The following FBXO33 variants were observed in gnomAD, a reference collection of about 807,000 sequenced individuals.
The protein encoded by FBXO33 is F-box only protein 33.
In FBXO33, 22 loss-of-function variants were observed where a neutral mutation model predicts 46.3. The observed-to-expected ratio is 0.48, with a 90% CI of 0.34 to 0.68. The LOEUF is 0.68. Among genes scored for constraint, FBXO33 ranks in the 30% least tolerant of loss-of-function variants. The probability of loss-of-function intolerance (pLI) is 0.01; values close to 1 mark genes in which losing one functional copy is unlikely to be tolerated. For missense variants in FBXO33, 692 were observed against 708.8 expected (o/e 0.98, Z 0.27); for synonymous variants, 337 against 291.3 (o/e 1.16, Z -1.60).
chr14:39,406,975 C>T (rs945974805), intron 1 of FBXO33, among the ~76,000 whole-genome samples: 57 of 152,156 alleles, frequency 3.7e-4, no homozygotes, highest in African/African-American at 1.4e-3. Context: ...CAGAAGTGTC[C>T]TTATTTGCCA....
chr14:39,422,927 G>C (rs947267543), intron 1 of FBXO33, among the ~76,000 whole-genome samples: 1 of 152,158 alleles, frequency 6.6e-6, no homozygotes, highest in Non-Finnish European at 1.5e-5. Context: ...TTCGAGACCA[G>C]TCTGGCCAAC....
At chr14:39,399,868 A>G (rs1567071691) in intron 3 of FBXO33, 81 bp from the exon 4 acceptor site, 2 of 1,403,316 alleles carry the variant, frequency 1.4e-6, no homozygotes, top group Non-Finnish European at 1.9e-6. Flanking sequence ...TCCTCATTCA[A>G]AGCTTCTAGA....
chr14:39,431,155 T>C (rs2075545600), intron 1 of FBXO33, among the ~76,000 whole-genome samples: 1 of 152,232 alleles, frequency 6.6e-6, no homozygotes, highest in Admixed American at 6.5e-5. Flanking sequence ...ATGAACTATT[T>C]CTAACAGATT....
intron 1 of FBXO33, among the ~76,000 whole-genome samples, chr14:39,421,849 G>T (rs2075486560): frequency 6.6e-6 from 1 of 151,328 alleles, no homozygotes; most frequent in Non-Finnish European, 1.5e-5. Context: ...TAACCAAAAA[G>T]GGGAAAAATA....
intron 1 of FBXO33, among the ~76,000 whole-genome samples, chr14:39,412,522 T>C (rs2075660094): frequency 1.3e-5 from 2 of 152,236 alleles, no homozygotes; most frequent in Admixed American, 6.5e-5. Context: ...CTTTTGGTGA[T>C]GGAATTTAAT....
At chr14:39,404,168 C>A (rs1241544678) in intron 1 of FBXO33, among the ~76,000 whole-genome samples, 1 of 152,120 alleles carries the variant, frequency 6.6e-6, no homozygotes, top group African/African-American at 2.4e-5. Flanking sequence ...ATTTAACCAA[C>A]AATTCCCTGA....
intron 1 of FBXO33, among the ~76,000 whole-genome samples, chr14:39,415,114 G>A (rs1004450390): frequency 7.9e-5 from 12 of 152,146 alleles, no homozygotes; most frequent in Non-Finnish European, 1.6e-4. Context: ...TAACATCAAA[G>A]ATTACTGATA....
chr14:39,416,497 C>T (rs2139412788), intron 1 of FBXO33, among the ~76,000 whole-genome samples: 1 of 152,240 alleles, frequency 6.6e-6, no homozygotes, highest in Admixed American at 6.5e-5. Context: ...CTTATCTTTG[C>T]TTGATTGAAT....
intron 1 of FBXO33, among the ~76,000 whole-genome samples, chr14:39,405,739 T>C (rs1001915023): frequency 1.3e-5 from 2 of 151,586 alleles, no homozygotes; most frequent in South Asian, 2.1e-4. Flanking sequence ...AAAATTCATA[T>C]ATAAAATCAC....
rs554765496 is a variant in FBXO33 at position 39,427,007 on chromosome 14, GA to G, written c.599+4556del. ...CATAGTACGCTCTCAATAATTGGAG[GA>G]AAAAACCCTAGATTTTCTATAACTA... On this transcript the variant is annotated intron_variant, in intron 1 of 3. Coordinates refer to ENST00000298097, the MANE Select transcript of FBXO33 (RefSeq NM_203301.4). Among the ~76,000 whole-genome samples the G allele has an allele frequency of 1.1e-3, 164 of 152,132 alleles. 1 individual carries two copies. The highest frequency in any genetic ancestry group is 5.6e-3 in the Admixed American group (85 of 15,286).
In FBXO33 at chr14:39,401,393, T is replaced by G; in HGVS notation, c.1179A>C (p.Pro393=). ...DMLKILKPSI[P]LERIHFDSYI... ...AGCTATCAAAATGAATCCTCTCTAG[T>G]GGTATACTGGGTTTCAGAATCTTTA... Residue 393 remains proline (P), a synonymous_variant, in exon 3 of 4, where the codon CCA becomes CCC. Transcript: ENST00000298097. The G allele has an allele frequency of 6.2e-7, 1 of 1,614,164 alleles. No individual in the cohort carries two copies. The highest frequency in any genetic ancestry group is 8.5e-7 in the Non-Finnish European group (1 of 1,180,014).
chr14:39,426,865 A>G (rs1440964361), intron 1 of FBXO33, among the ~76,000 whole-genome samples: 1 of 152,140 alleles, frequency 6.6e-6, no homozygotes, highest in Non-Finnish European at 1.5e-5. Context: ...TTTTATTTTC[A>G]GATTTTATTT....
chr14:39,402,557 TAAA>T (rs746681707), intron 1 of FBXO33, 46 bp from the exon 2 acceptor site: 1 of 896,948 alleles, frequency 1.1e-6, no homozygotes, highest in Non-Finnish European at 1.5e-6. Context: ...AATTTATACT[TAAA>T]AAATATAAAT....
chr14:39,426,596 C>G (rs1171641259), intron 1 of FBXO33, among the ~76,000 whole-genome samples: 1 of 152,194 alleles, frequency 6.6e-6, no homozygotes, highest in Non-Finnish European at 1.5e-5. Flanking sequence ...TTCTACTTCT[C>G]AGAACTCATC....
At chr14:39,408,642 A>G (rs2075409202) in intron 1 of FBXO33, among the ~76,000 whole-genome samples, 1 of 148,756 alleles carries the variant, frequency 6.7e-6, no homozygotes. Context: ...CCTCCCAAGT[A>G]GCTGGGATTA....
At chr14:39,424,852 A>C (rs749976023) in intron 1 of FBXO33, among the ~76,000 whole-genome samples, 3 of 152,184 alleles carry the variant, frequency 2.0e-5, no homozygotes, top group Non-Finnish European at 4.4e-5. Flanking sequence ...TGGGAGATTG[A>C]GACCATCCTG....
intron 1 of FBXO33, among the ~76,000 whole-genome samples, chr14:39,411,526 C>G (rs949196671): frequency 2.0e-5 from 3 of 150,774 alleles, no homozygotes; most frequent in African/African-American, 7.3e-5. Flanking sequence ...ACTTCCCCCC[C>G]CTTTTTTTTT....
Position 39,429,810 on chromosome 14 carries a change from G to A in FBXO33, c.599+1754C>T, listed in dbSNP as rs577215953. ...CAGGCATCGGTGGCCTTATAGAGAA[G>A]CAGATTGGGATGCTAATAAAAATTG... On this transcript the variant is annotated intron_variant, in intron 1 of 3. Coordinates refer to ENST00000298097, the MANE Select transcript of FBXO33 (RefSeq NM_203301.4). Among the ~76,000 whole-genome samples the A allele has an allele frequency of 2.7e-3, 405 of 152,304 alleles. 3 individuals are homozygous for A. Among genetic ancestry groups the A allele is most frequent in the Non-Finnish European group, 5.2e-3 (352 of 68,022 alleles).
chr14:39,404,679 G>C (rs2075384988), intron 1 of FBXO33, among the ~76,000 whole-genome samples: 1 of 152,120 alleles, frequency 6.6e-6, no homozygotes, highest in Admixed American at 6.5e-5. Context: ...AAGGTAGGGA[G>C]ACAGCATTAT....
Sources: gnomAD v4.1 joint callset for allele counts (sites outside exome capture counted in the v4.1 genomes callset) on GRCh38, gnomAD v4.1.1 for gene constraint, MANE v1.5 for transcripts, NCBI Gene and HGNC (gene_info 2026-07-23, HGNC 2026-07-21) for gene names.